ZFHX4: variants seen among roughly 807,000 people sequenced by gnomAD.
ZFHX4 encodes zinc finger homeobox protein 4.
Under a neutral mutation model 267.6 loss-of-function variants are expected in ZFHX4, and 56 were observed. The observed-to-expected ratio is 0.21, with a 90% confidence interval of 0.17 to 0.26. The LOEUF (loss-of-function observed/expected upper bound fraction) is 0.26. Ranked by LOEUF, ZFHX4 falls within the 10% of genes least tolerant of loss-of-function variation. The pLI is 1.00. For synonymous variants in ZFHX4, 1,778 were observed against 1,665.6 expected (o/e 1.07, Z -1.64); for missense variants, 4,332 against 4,420.0 (o/e 0.98, Z 0.56).
rs1314369799 is a variant in ZFHX4, at chr8:76,855,668, G to A, written c.8747G>A (p.Ser2916Asn). Reference sequence around the variant, plus strand: ...AGCTCCCCAAATCCATTCGGATCCAGCAATCCCTTTAAATCCAAAAGTAAT... The same window carrying A: ...AGCTCCCCAAATCCATTCGGATCCAACAATCCCTTTAAATCCAAAAGTAAT... ...DPSSPNPFGS[S>N]NPFKSKSNDR... The change falls in exon 10 of 11, where the codon AGC (serine) becomes AAC (asparagine). Residue 2916 changes from serine to asparagine, a missense_variant. Ser to Asn is a conservative substitution (Grantham distance 46, BLOSUM62 1). Transcript: ENST00000651372. 2 of 1,613,788 alleles carry A rather than the reference G, an allele frequency of 1.2e-6. No individual in the cohort carries two copies. The highest frequency in any genetic ancestry group is 1.7e-6 in the Non-Finnish European group (2 of 1,179,880).
chr8:76,849,849 G>A (rs531490505), intron 8 of ZFHX4, 137 bp downstream of exon 8: 2 of 978,008 alleles, frequency 2.0e-6, no homozygotes, highest in African/African-American at 1.6e-5. Context: ...TGTTATAGTA[G>A]TCACACTCAA....
At chr8:76,731,881 A>ATTAT (rs1809022574) in intron 3 of ZFHX4, among the ~76,000 whole-genome samples, 1 of 149,204 alleles carries the variant, frequency 6.7e-6, no homozygotes, top group East Asian at 2.0e-4. Flanking sequence ...TATTATTATT[A>ATTAT]TTATTATTAT....
At chr8:76,722,860 T>A (rs909477825) in intron 3 of ZFHX4, among the ~76,000 whole-genome samples, 5 of 152,016 alleles carry the variant, frequency 3.3e-5, no homozygotes, top group Non-Finnish European at 7.4e-5. Context: ...ACTTTATTTT[T>A]AAATTTCTGT....
chr8:76,707,907 T>C lies in ZFHX4; in HGVS notation c.2952T>C (p.Asn984=), dbSNP rs1808321923. ...VAHIKEGGKS[N]EWRLKCIAIG... is the part of the protein sequence containing the mutation. ...ACATTAAAGAAGGGGGCAAAAGCAA[T>C]GAGTGGAGGTTGAAGTGTATTGCCA... Residue 984 remains asparagine, a synonymous_variant, in exon 3 of 11, where the codon AAT becomes AAC. Transcript: ENST00000651372. 1.2e-6 allele frequency: 2 copies of C among 1,613,980 alleles called. No individual in the cohort carries two copies. The highest frequency in any genetic ancestry group is 2.7e-5 in the African/African-American group (2 of 75,018).
chr8:76,729,775 A>G (rs1808949776), intron 3 of ZFHX4, among the ~76,000 whole-genome samples: 1 of 152,236 alleles, frequency 6.6e-6, no homozygotes, highest in African/African-American at 2.4e-5. Flanking sequence ...CAAAAGACAT[A>G]TAACAGATTG....
intron 3 of ZFHX4, among the ~76,000 whole-genome samples, chr8:76,737,635 C>G (rs1316188071): frequency 1.3e-5 from 2 of 152,098 alleles, no homozygotes; most frequent in Non-Finnish European, 2.9e-5. Context: ...CTTTTACTAC[C>G]TATATAATAA....
chr8:76,853,745 A>G lies in ZFHX4; in HGVS notation c.6824A>G (p.Gln2275Arg). Residue 2275 changes from glutamine (Q) to arginine (R), a missense_variant, in exon 10 of 11, where the codon CAG becomes CGG. Physicochemically the swap from Gln to Arg is conservative, Grantham distance 43. Around this residue, in one of 7 missense-constraint regions of ZFHX4, gnomAD observed 62 missense variants for 69.8 expected, o/e 0.89. Coordinates refer to ENST00000651372, the MANE Select transcript of ZFHX4 (RefSeq NM_024721.5). ...ACCCGGGTTATTGTTGTATGGTTCC[A>G]GAATGCTCGTCAGAAAGCACGAAAG... is the stretch of plus-strand genomic sequence containing the variant. ...LPTRVIVVWF[Q>R]NARQKARKSY... The G allele has an allele frequency of 6.2e-7, 1 of 1,613,814 alleles. No individual in the cohort carries two copies. The highest frequency in any genetic ancestry group is 1.1e-5 in the South Asian group (1 of 91,070).
intron 3 of ZFHX4, among the ~76,000 whole-genome samples, chr8:76,755,875 C>T (rs1485830570): frequency 6.6e-6 from 1 of 152,064 alleles, no homozygotes; most frequent in African/African-American, 2.4e-5. Flanking sequence ...TTTTTGTATA[C>T]TGATAATATG....
chr8:76,853,318 C>G lies in ZFHX4; in HGVS notation c.6397C>G (p.Arg2133Gly). Residue 2133 changes from arginine to glycine, a missense_variant, in exon 10 of 11, where the codon CGG becomes GGG. This residue lies in a region of ZFHX4 where 1,371 missense variants were observed against 1,423.1 expected (regional missense o/e 0.96). Transcript: ENST00000651372. ...FLRHSQFKRP[R>G]TRITDDQLKI... Reference sequence around the variant, plus strand: ...AAGACATTCTCAGTTCAAACGCCCACGGACAAGAATTACAGATGATCAGCT... The same window carrying G: ...AAGACATTCTCAGTTCAAACGCCCAGGGACAAGAATTACAGATGATCAGCT... 1 of 1,613,264 alleles carries G rather than the reference C, an allele frequency of 6.2e-7. No homozygotes were observed. The highest frequency in any genetic ancestry group is 8.5e-7 in the Non-Finnish European group (1 of 1,179,592).
rs1220137185 is a variant in ZFHX4, at chr8:76,851,679, C to G, written c.4758C>G (p.Ser1586Arg). ...GTCCTGTCCCACAAGAAACCAACAG[C>G]AACACAGATAACAAACCCTACAAGT... The part of the protein sequence containing the change: ...ASSPVPQETN[S>R]NTDNKPYKCS... The change falls in exon 10 of 11, where the codon AGC becomes AGG. Residue 1586 changes from serine (S) to arginine (R), a missense_variant. This residue lies in a region of ZFHX4 where 1,371 missense variants were observed against 1,423.1 expected (regional missense o/e 0.96). Transcript: ENST00000651372. The G allele has an allele frequency of 6.2e-7, 1 of 1,613,784 alleles. No homozygotes were observed. Among genetic ancestry groups the G allele is most frequent in the Admixed American group, 1.7e-5 (1 of 60,008 alleles).
At chr8:76,796,928 G>T (rs927261462) in intron 4 of ZFHX4, among the ~76,000 whole-genome samples, 1 of 152,076 alleles carries the variant, frequency 6.6e-6, no homozygotes, top group African/African-American at 2.4e-5. Flanking sequence ...TCTAACTAAG[G>T]CTAAAATGTC....
At chr8:76,831,319 A>G (rs185481490) in intron 4 of ZFHX4, among the ~76,000 whole-genome samples, 1 of 152,280 alleles carries the variant, frequency 6.6e-6, no homozygotes, top group East Asian at 1.9e-4. Context: ...ATGTGGGGGT[A>G]GTGGTAGAGA....
Position 76,863,213 on chromosome 8 carries a change from C to A in ZFHX4, c.9499C>A (p.Pro3167Thr). The A allele has an allele frequency of 6.4e-7, 1 of 1,551,256 alleles. No individual in the cohort carries two copies. The highest frequency in any genetic ancestry group is 8.7e-7 in the Non-Finnish European group (1 of 1,146,156). ...PLLQTPPPPP[P>T]PPPPPPSSSL... ...GCTGCAGACTCCACCACCTCCACCA[C>A]CTCCTCCTCCTCCTCCTCCTTCATC... The change falls in exon 11 of 11, where the codon CCT (proline) becomes ACT (threonine). Residue 3167 changes from proline (P) to threonine (T), a missense_variant. Transcript: ENST00000651372.
intron 4 of ZFHX4, among the ~76,000 whole-genome samples, chr8:76,804,425 G>A (rs1378225336): frequency 6.6e-6 from 1 of 152,110 alleles, no homozygotes; most frequent in Non-Finnish European, 1.5e-5. Context: ...AGCATAAACT[G>A]TTAAGGAATC....
intron 4 of ZFHX4, among the ~76,000 whole-genome samples, chr8:76,823,998 T>C (rs1811721407): frequency 6.6e-6 from 1 of 152,240 alleles, no homozygotes; most frequent in Non-Finnish European, 1.5e-5. Context: ...TGATAGCAAC[T>C]TACATTTCAT....
At chr8:76,815,569 G>A (rs10104892) in intron 4 of ZFHX4, among the ~76,000 whole-genome samples, 6,898 of 151,934 alleles carry the variant, frequency 0.045, 261 homozygotes, top group African/African-American at 0.1. Context: ...TGGCATGATC[G>A]TGACTCACTG....
chr8:76,806,272 A>G (rs1227429299), intron 4 of ZFHX4, among the ~76,000 whole-genome samples: 1 of 152,136 alleles, frequency 6.6e-6, no homozygotes, highest in Non-Finnish European at 1.5e-5. Flanking sequence ...TATGTTATTA[A>G]GATGATAACG....
At chr8:76,783,919 G>C (rs144982556) in intron 4 of ZFHX4, among the ~76,000 whole-genome samples, 1 of 151,950 alleles carries the variant, frequency 6.6e-6, no homozygotes, top group African/African-American at 2.4e-5. Context: ...CTCATCTGTG[G>C]TTATTTTGAA....
intron 5 of ZFHX4, among the ~76,000 whole-genome samples, chr8:76,840,232 G>A (rs1045468702): frequency 2.0e-5 from 3 of 152,144 alleles, no homozygotes; most frequent in Non-Finnish European, 4.4e-5. Flanking sequence ...AGGCATTGCA[G>A]GCAAATCCAC....
Sources: allele counts gnomAD v4.1 joint callset (sites outside exome capture counted in the v4.1 genomes callset), GRCh38; gene constraint gnomAD v4.1.1; regional missense constraint gnomAD v4.1.1; transcripts MANE v1.5; gene names NCBI Gene and HGNC (gene_info 2026-07-23, HGNC 2026-07-21).